Variants in MAP4 observed in about 807,000 individuals in gnomAD.
The protein encoded by MAP4 is microtubule-associated protein 4.
Under a neutral mutation model 170.2 loss-of-function variants are expected in MAP4, and 76 were observed. The observed-to-expected ratio is 0.45, with a 90% CI of 0.37 to 0.54. The LOEUF (loss-of-function observed/expected upper bound fraction) is 0.54, where lower values mean the gene tolerates loss of function less well. Ranked by LOEUF, MAP4 falls within the 20% of genes least tolerant of loss-of-function variation. The probability of loss-of-function intolerance (pLI) is 0.00; values close to 1 mark genes in which losing one functional copy is unlikely to be tolerated. For synonymous variants in MAP4, 909 were observed against 994.5 expected (o/e 0.91, Z 1.62); for missense variants, 2,506 against 2,748.0 (o/e 0.91, Z 1.97).
intron 1 of MAP4, among the ~76,000 whole-genome samples, chr3:48,068,770 C>T (rs1025884689): frequency 8.5e-5 from 13 of 152,286 alleles, no homozygotes; most frequent in Middle Eastern, 3.4e-3. Context: ...GGCAACAGAG[C>T]GTCCGTCTCA....
intron 3 of MAP4, among the ~76,000 whole-genome samples, chr3:47,936,573 T>C (rs904884776): frequency 2.0e-5 from 3 of 151,914 alleles, no homozygotes; most frequent in Non-Finnish European, 4.4e-5. Flanking sequence ...GCCTAGTTCT[T>C]ATAATGGCAC....
chr3:47,875,922 TTTTTTA>T (rs2095273146), intron 11 of MAP4, 22 bp from the exon 12 acceptor site: 5 of 1,537,746 alleles, frequency 3.3e-6, no homozygotes, highest in Non-Finnish European at 4.4e-6. Flanking sequence ...TTGTTGTTTA[TTTTTTA>T]TTTTTATTTT....
chr3:48,082,333 T>C (rs183898859), intron 1 of MAP4, among the ~76,000 whole-genome samples: 5 of 152,366 alleles, frequency 3.3e-5, no homozygotes, highest in Admixed American at 6.5e-5. Context: ...CTAATTACTT[T>C]AGGAATTTTA....
chr3:48,056,698 C>T (rs1294924221), intron 1 of MAP4, among the ~76,000 whole-genome samples: 6 of 108,336 alleles, frequency 5.5e-5, no homozygotes, highest in African/African-American at 2.1e-4. Context: ...CCAGCCGCCC[C>T]GTCTGGGAGG....
intron 1 of MAP4, among the ~76,000 whole-genome samples, chr3:48,080,850 C>T (rs1420477369): frequency 4.6e-5 from 7 of 151,978 alleles, no homozygotes; most frequent in African/African-American, 1.7e-4. Flanking sequence ...GTTGGCCGGG[C>T]GCCCTGGCTC....
At chr3:47,984,793 A>T (rs1339744345) in intron 2 of MAP4, among the ~76,000 whole-genome samples, 2 of 151,974 alleles carry the variant, frequency 1.3e-5, no homozygotes, top group African/African-American at 4.8e-5. Flanking sequence ...ATATGGTGAA[A>T]ACCTGTCTCT....
intron 1 of MAP4, among the ~76,000 whole-genome samples, chr3:48,041,472 A>G (rs1473926271): frequency 3.9e-5 from 6 of 152,184 alleles, no homozygotes; most frequent in Admixed American, 6.6e-5. Flanking sequence ...GAAATTAAGG[A>G]AGATTTAAAT....
At chr3:48,008,055 G>A (rs896961542) in intron 1 of MAP4, among the ~76,000 whole-genome samples, 4 of 152,192 alleles carry the variant, frequency 2.6e-5, no homozygotes, top group East Asian at 3.9e-4. Flanking sequence ...GAACTGCCCT[G>A]CCTATCATGA....
intron 1 of MAP4, among the ~76,000 whole-genome samples, chr3:48,086,536 G>A (rs894390337): frequency 2.0e-5 from 3 of 152,104 alleles, no homozygotes; most frequent in African/African-American, 7.2e-5. Flanking sequence ...CTACTCCGGA[G>A]GCTGTGGCAG....
intron 3 of MAP4, among the ~76,000 whole-genome samples, chr3:47,962,531 ATCTGTCAT>A: frequency 6.6e-6 from 1 of 152,180 alleles, no homozygotes; most frequent in Admixed American, 6.5e-5. Context: ...TATTCCCTAT[ATCTGTCAT>A]TCCTGTATTC....
intron 2 of MAP4, among the ~76,000 whole-genome samples, chr3:47,992,026 C>T (rs1041889763): frequency 9.9e-5 from 15 of 151,162 alleles, no homozygotes; most frequent in African/African-American, 3.1e-4. Flanking sequence ...GTTTACTGAA[C>T]CTCATCTAAG....
chr3:47,853,167 C>G lies in MAP4; in HGVS notation c.6882G>C (p.Glu2294Asp). The change falls in exon 20 of 21, where the codon GAG becomes GAC. Residue 2294 changes from glutamate to aspartate, a missense_variant. Physicochemically the swap from Glu to Asp is conservative, Grantham distance 45. This residue lies in a region of MAP4 where 487 missense variants were observed against 511.6 expected (regional missense o/e 0.95). Transcript: ENST00000683076. Reference protein sequence around the residue: ...EAQTLDSQIQETN With the variant: ...EAQTLDSQIQDTN ...AGGCCGAGCCCAGCCACTTACTTGT[C>G]TCCTGGATCTGGCTGTCCAAGGTCT... is the stretch of plus-strand genomic sequence containing the variant. 1 of 1,594,802 alleles carries G rather than the reference C, an allele frequency of 6.3e-7. No individual in the cohort carries two copies. The highest frequency in any genetic ancestry group is 8.5e-7 in the Non-Finnish European group (1 of 1,169,648).
At chr3:47,863,512 G>A (rs776283915) in intron 17 of MAP4, among the ~76,000 whole-genome samples, 6 of 152,066 alleles carry the variant, frequency 3.9e-5, no homozygotes, top group Non-Finnish European at 7.4e-5. Context: ...CAGAAGCCAC[G>A]CTGGCTCTCT....
intron 1 of MAP4, among the ~76,000 whole-genome samples, chr3:48,011,826 C>T (rs1339678065): frequency 6.6e-6 from 1 of 152,164 alleles, no homozygotes; most frequent in African/African-American, 2.4e-5. Flanking sequence ...CCTATTCTAT[C>T]TCTGACAACT....
At chr3:47,891,801 ACT>A in intron 10 of MAP4, 4 of 1,535,800 alleles carry the variant, frequency 2.6e-6, no homozygotes, top group Non-Finnish European at 3.5e-6. Flanking sequence ...AGGAGTGGGG[ACT>A]CACACTTCAG....
Position 47,870,993 on chromosome 3 carries a change from G to C in MAP4, c.6114C>G (p.Pro2038=). The C allele has an allele frequency of 6.2e-7, 1 of 1,614,192 alleles. No homozygotes were observed. The highest frequency in any genetic ancestry group is 2.2e-5 in the East Asian group (1 of 44,878). The change falls in exon 15 of 21, where the codon CCC becomes CCG. Residue 2038 remains proline (P), a synonymous_variant. Transcript: ENST00000683076. ...GAGTTGTGGAGGGCCGGGAGGGCAT[G>C]GGTGTGGCCTTGACTCGGCTGGGAA... ...GVVPSRVKAT[P]MPSRPSTTPF...
At chr3:48,036,759 G>A (rs1017197128) in intron 1 of MAP4, among the ~76,000 whole-genome samples, 1 of 152,190 alleles carries the variant, frequency 6.6e-6, no homozygotes, top group African/African-American at 2.4e-5. Flanking sequence ...AATGAGTGAA[G>A]GCGGCTGATG....
chr3:47,998,077 T>G (rs945149794), intron 2 of MAP4, among the ~76,000 whole-genome samples: 7 of 152,212 alleles, frequency 4.6e-5, no homozygotes, highest in Admixed American at 4.6e-4. Flanking sequence ...TCCCAATTCA[T>G]TTTATGAAGT....
rs2100039737 is a variant in MAP4 at position 47,916,836 on chromosome 3, C to T, written c.991G>A (p.Ala331Thr). 1.2e-6 allele frequency: 2 copies of T among 1,614,106 alleles called. No homozygotes were observed. The highest frequency in any genetic ancestry group is 2.7e-5 in the African/African-American group (2 of 74,938). Residue 331 changes from alanine to threonine, a missense_variant, in exon 7 of 21, where the codon GCC becomes ACC. Transcript: ENST00000683076. ...RWPTETDVSS[A>T]KNVVLPTETE... ...TCTGTGGGCAGTACCACATTCTTGGCTGAAGATACATCTGTTTCTGTGGGC... is the reference window on the plus strand; with the variant it reads ...TCTGTGGGCAGTACCACATTCTTGGTTGAAGATACATCTGTTTCTGTGGGC...
Sources: allele counts gnomAD v4.1 joint callset (sites outside exome capture counted in the v4.1 genomes callset), GRCh38; gene constraint gnomAD v4.1.1; regional missense constraint gnomAD v4.1.1; transcripts MANE v1.5; gene names NCBI Gene and HGNC (gene_info 2026-07-23, HGNC 2026-07-21).